The following GUCY1A2 variants were observed in gnomAD, a reference collection of about 807,000 sequenced individuals.
The protein encoded by GUCY1A2 is guanylate cyclase soluble subunit alpha-2.
Under a neutral mutation model 63.5 loss-of-function variants are expected in GUCY1A2, and 27 were observed. The observed-to-expected ratio is 0.43, with a 90% CI of 0.31 to 0.59. GUCY1A2 has a LOEUF of 0.59. Among genes scored for constraint, GUCY1A2 ranks in the 20% least tolerant of loss-of-function variants. The pLI is 0.11. For missense variants in GUCY1A2, 768 were observed against 913.3 expected, an observed-to-expected ratio of 0.84 and a Z score of 2.05; for synonymous variants, 364 against 343.5, an observed-to-expected ratio of 1.06 and a Z score of -0.66.
At chr11:106,778,692 T>C (rs976549552) in intron 5 of GUCY1A2, among the ~76,000 whole-genome samples, 3 of 152,162 alleles carry the variant, frequency 2.0e-5, no homozygotes, top group African/African-American at 7.2e-5. Context: ...ACTATGTTTT[T>C]TTCATCTCTG....
chr11:106,824,838 G>C, intron 4 of GUCY1A2: 1 of 1,608,460 alleles, frequency 6.2e-7, no homozygotes, highest in Non-Finnish European at 8.5e-7. Context: ...TTCTGAACAA[G>C]GTGATAAAAA....
intron 6 of GUCY1A2, among the ~76,000 whole-genome samples, chr11:106,717,844 C>G (rs888357354): frequency 6.6e-6 from 1 of 152,098 alleles, no homozygotes; most frequent in Non-Finnish European, 1.5e-5. Context: ...TTTCTTTTTA[C>G]ATTTTTGTCT....
At chr11:106,878,268 C>G (rs924028908) in intron 4 of GUCY1A2, among the ~76,000 whole-genome samples, 1 of 152,070 alleles carries the variant, frequency 6.6e-6, no homozygotes, top group African/African-American at 2.4e-5. Flanking sequence ...ACCTAGCCAT[C>G]TCATCATTGT....
intron 4 of GUCY1A2, among the ~76,000 whole-genome samples, chr11:106,889,676 T>G (rs561847649): frequency 2.8e-4 from 42 of 152,336 alleles, no homozygotes; most frequent in African/African-American, 9.1e-4. Flanking sequence ...ATTATATGTC[T>G]TGGCTGCTTC....
intron 6 of GUCY1A2, among the ~76,000 whole-genome samples, chr11:106,724,409 G>T (rs9666490): frequency 0.067 from 10,243 of 152,114 alleles, 998 homozygotes; most frequent in African/African-American, 0.21. Context: ...ACAAAAATTG[G>T]CTCCAATCCC....
intron 4 of GUCY1A2, among the ~76,000 whole-genome samples, chr11:106,898,397 G>C (rs1237960342): frequency 1.3e-5 from 2 of 152,160 alleles, no homozygotes; most frequent in Non-Finnish European, 2.9e-5. Context: ...CTGCACAATG[G>C]ATGTTTATAG....
At chr11:106,782,394 T>C (rs1334189175) in intron 5 of GUCY1A2, among the ~76,000 whole-genome samples, 2 of 152,212 alleles carry the variant, frequency 1.3e-5, no homozygotes, top group African/African-American at 2.4e-5. Context: ...AGAAATGCTT[T>C]CTTTTCTCTC....
At chr11:106,906,078 C>T (rs1402623765) in intron 4 of GUCY1A2, among the ~76,000 whole-genome samples, 1 of 152,062 alleles carries the variant, frequency 6.6e-6, no homozygotes, top group Non-Finnish European at 1.5e-5. Flanking sequence ...GCAACAAAAG[C>T]TAGAAGTGAC....
chr11:106,709,394 T>C lies in GUCY1A2; in HGVS notation c.1837-728A>G, dbSNP rs1301366116. Among the ~76,000 whole-genome samples, 545 of 95,008 alleles carry C rather than the reference T, an allele frequency of 5.7e-3. 12 individuals carry two copies. The highest frequency in any genetic ancestry group is 0.022 in the African/African-American group (509 of 23,174). The allele number at this position is 95,008 out of a possible 152,430, so 62.3% of individuals were successfully genotyped here. ...TAAATTATATATATTATATATTATA[T>C]AAATTATATATTATACTATGTATAT... On this transcript the variant is annotated intron_variant, in intron 6 of 7. Coordinates refer to ENST00000526355, the MANE Select transcript of GUCY1A2 (RefSeq NM_000855.3).
chr11:106,781,727 CTT>C (rs35371316), intron 5 of GUCY1A2, among the ~76,000 whole-genome samples: 9 of 142,100 alleles, frequency 6.3e-5, no homozygotes, highest in Non-Finnish European at 7.7e-5. Context: ...CCATGCCTGC[CTT>C]TTTTTTTTTT....
At chr11:106,959,533 C>T (rs897506152) in intron 3 of GUCY1A2, among the ~76,000 whole-genome samples, 3 of 152,186 alleles carry the variant, frequency 2.0e-5, no homozygotes, top group Admixed American at 2.0e-4. Flanking sequence ...TTGTAGCTGT[C>T]AGCTCTCAAC....
rs548767113 is a variant in GUCY1A2 at position 106,789,781 on chromosome 11, G to A, written c.1693-13199C>T. Among the ~76,000 whole-genome samples, 4 of 152,260 alleles carry A rather than the reference G, an allele frequency of 2.6e-5. No homozygotes were observed. In the East Asian group the frequency reaches 7.7e-4, roughly 29 times the overall value. On this transcript the variant is annotated intron_variant, in intron 5 of 7. Coordinates refer to ENST00000526355, the MANE Select transcript of GUCY1A2 (RefSeq NM_000855.3). ...ATAGAGGTACCACCTTGGTGGTCTTGGATAAGACCCAGAAGAATTATCTGG... is the reference window on the plus strand; with the variant it reads ...ATAGAGGTACCACCTTGGTGGTCTTAGATAAGACCCAGAAGAATTATCTGG...
At chr11:106,883,249 T>A (rs920798433) in intron 4 of GUCY1A2, among the ~76,000 whole-genome samples, 6 of 152,148 alleles carry the variant, frequency 3.9e-5, no homozygotes, top group African/African-American at 1.4e-4. Flanking sequence ...GACATTGATC[T>A]CTCATTTTTC....
chr11:106,913,166 C>A (rs1860319251), intron 4 of GUCY1A2, among the ~76,000 whole-genome samples: 1 of 152,024 alleles, frequency 6.6e-6, no homozygotes, highest in South Asian at 2.1e-4. Flanking sequence ...TATTTTAACA[C>A]AATTTGTACT....
chr11:106,919,193 T>C (rs959979000), intron 4 of GUCY1A2, among the ~76,000 whole-genome samples: 11 of 152,138 alleles, frequency 7.2e-5, no homozygotes, highest in Admixed American at 7.2e-4. Context: ...CCAATGCTCA[T>C]GTTCAAAAAC....
chr11:106,796,774 A>G (rs878929775), intron 5 of GUCY1A2, among the ~76,000 whole-genome samples: 1 of 152,004 alleles, frequency 6.6e-6, no homozygotes, highest in African/African-American at 2.4e-5. Context: ...CTTCTCAAGG[A>G]GTATCTTTGT....
intron 6 of GUCY1A2, among the ~76,000 whole-genome samples, chr11:106,748,511 T>C (rs951845033): frequency 6.6e-6 from 1 of 152,200 alleles, no homozygotes; most frequent in Non-Finnish European, 1.5e-5. Context: ...CCCTTCTGTG[T>C]TCCCTCCCTG....
At chr11:106,796,131 T>C (rs536079701) in intron 5 of GUCY1A2, among the ~76,000 whole-genome samples, 85 of 152,084 alleles carry the variant, frequency 5.6e-4, no homozygotes, top group African/African-American at 1.9e-3. Flanking sequence ...GGATTGCAAC[T>C]CCTGCCTTTT....
At chr11:106,715,887 A>G (rs1419692867) in intron 6 of GUCY1A2, among the ~76,000 whole-genome samples, 1 of 152,238 alleles carries the variant, frequency 6.6e-6, no homozygotes, top group East Asian at 1.9e-4. Context: ...GCTAATTGAA[A>G]TTATGATCAT....
Sources: gnomAD v4.1 joint callset for allele counts (sites outside exome capture counted in the v4.1 genomes callset) on GRCh38, gnomAD v4.1.1 for gene constraint, MANE v1.5 for transcripts, NCBI Gene and HGNC (gene_info 2026-07-23, HGNC 2026-07-21) for gene names.